Variants in NNT observed in about 807,000 individuals in gnomAD.
NNT encodes nicotinamide nucleotide transhydrogenase.
In NNT, 50 loss-of-function variants were observed where a neutral mutation model predicts 104.8. The ratio of observed to expected loss-of-function variants is 0.48; its 90% CI spans 0.38 to 0.60. The LOEUF (loss-of-function observed/expected upper bound fraction) is 0.60, where lower values mean the gene tolerates loss of function less well. NNT is among the 20% of genes least tolerant of loss of function. The probability of loss-of-function intolerance (pLI) is 0.00; values close to 1 mark genes in which losing one functional copy is unlikely to be tolerated. For synonymous variants in NNT, 461 were observed against 490.4 expected (o/e 0.94, Z 0.79); for missense variants, 1,131 against 1,330.7 (o/e 0.85, Z 2.33).
intron 9 of NNT, among the ~76,000 whole-genome samples, chr5:43,645,072 T>G (rs1161366739): frequency 6.6e-6 from 1 of 152,160 alleles, no homozygotes; most frequent in East Asian, 1.9e-4. Flanking sequence ...AAATTAAACA[T>G]TCCCCCCACT....
chr5:43,652,030 C>G, intron 13 of NNT, 146 bp downstream of exon 13: 1 of 851,468 alleles, frequency 1.2e-6, no homozygotes. Flanking sequence ...ACATCTTGGT[C>G]AAACTGAGCA....
At position 43,647,993 on chromosome 5, in the gene NNT, C is replaced by T. The variant is rs150064629; in HGVS notation, c.1445-1154C>T. The T allele has an allele frequency of 1.5e-4, 109 of 723,730 alleles. No individual in the cohort carries two copies. In the African/African-American group the frequency reaches 1.9e-3, roughly 13 times the overall value. 44.8% of individuals were successfully genotyped at this position (723,730 alleles called of 1,614,324 possible). A position where few individuals can be genotyped will look rare whatever the true frequency, so the allele number is the denominator to read the frequency against. On this transcript the variant is annotated intron_variant, in intron 10 of 21. Coordinates refer to ENST00000344920, the MANE Select transcript of NNT (RefSeq NM_182977.3). ...AGCACAGAGAGGTTAAGTAACTTGC[C>T]TGAGATGACACAGCTAGGGAGCAGC...
chr5:43,666,930 G>T, intron 17 of NNT: 2 of 1,582,782 alleles, frequency 1.3e-6, no homozygotes, highest in Admixed American at 1.7e-5. Flanking sequence ...CAAGCTTGGG[G>T]TGGGCAATGT....
intron 17 of NNT, among the ~76,000 whole-genome samples, chr5:43,669,341 G>T (rs1249696555): frequency 6.6e-6 from 1 of 152,074 alleles, no homozygotes; most frequent in African/African-American, 2.4e-5. Flanking sequence ...GTGAGAGAGG[G>T]CATCCCTGTC....
intron 16 of NNT, 71 bp from the exon 17 acceptor site, chr5:43,659,100 C>G (rs2111962934): frequency 7.1e-7 from 1 of 1,409,708 alleles, no homozygotes; most frequent in Middle Eastern, 2.4e-4. Context: ...AATTAAGGAG[C>G]AAAATGTTAA....
chr5:43,678,630 T>C (rs1034093309), intron 19 of NNT, among the ~76,000 whole-genome samples: 1 of 152,160 alleles, frequency 6.6e-6, no homozygotes, highest in Non-Finnish European at 1.5e-5. Flanking sequence ...AAACAAAAGG[T>C]CTTAAAAGAG....
At chr5:43,667,885 A>G (rs1023681673) in intron 17 of NNT, among the ~76,000 whole-genome samples, 5 of 152,332 alleles carry the variant, frequency 3.3e-5, no homozygotes, top group African/African-American at 1.2e-4. Context: ...AGTCCCACCA[A>G]CAGTGCAAAA....
chr5:43,620,018 T>G (rs1019912041), intron 5 of NNT, among the ~76,000 whole-genome samples: 35 of 152,042 alleles, frequency 2.3e-4, no homozygotes, highest in African/African-American at 8.5e-4. Flanking sequence ...AGGGAGGGCA[T>G]TAATCTGTTC....
intron 21 of NNT, among the ~76,000 whole-genome samples, chr5:43,703,051 T>C (rs542715924): frequency 6.6e-6 from 1 of 152,298 alleles, no homozygotes; most frequent in African/African-American, 2.4e-5. Flanking sequence ...TCGAGTCCTG[T>C]GAAGCAGATG....
chr5:43,643,658 C>T (rs191554124), intron 7 of NNT, among the ~76,000 whole-genome samples: 13 of 152,218 alleles, frequency 8.5e-5, no homozygotes, highest in Admixed American at 8.5e-4. Context: ...TCCTGTCTCT[C>T]CTCAAAGTTT....
intron 17 of NNT, among the ~76,000 whole-genome samples, chr5:43,671,850 G>C (rs564243335): frequency 6.6e-6 from 1 of 152,290 alleles, no homozygotes; most frequent in South Asian, 2.1e-4. Context: ...GGTTGGGGAA[G>C]TTCTCCCGGA....
chr5:43,678,524 C>T (rs1309705795), intron 19 of NNT, among the ~76,000 whole-genome samples: 2 of 152,012 alleles, frequency 1.3e-5, no homozygotes, highest in Non-Finnish European at 2.9e-5. Context: ...AATCGGATGT[C>T]TTGTTTCTCT....
chr5:43,625,866 A>AT (rs575139256), intron 6 of NNT, among the ~76,000 whole-genome samples: 9 of 151,620 alleles, frequency 5.9e-5, no homozygotes, highest in African/African-American at 9.7e-5. Flanking sequence ...CTGCCTAGAG[A>AT]TTTTTTTTAT....
At chr5:43,630,490 T>C (rs1750618056) in intron 7 of NNT, among the ~76,000 whole-genome samples, 1 of 152,246 alleles carries the variant, frequency 6.6e-6, no homozygotes, top group Admixed American at 6.5e-5. Context: ...TTTCAGTGTA[T>C]ATTTTTACTT....
At chr5:43,689,301 A>G (rs972467360) in intron 19 of NNT, among the ~76,000 whole-genome samples, 2 of 152,182 alleles carry the variant, frequency 1.3e-5, no homozygotes, top group Admixed American at 6.5e-5. Context: ...TGTCAGATGT[A>G]TAGATTTTGA....
At position 43,617,167 on chromosome 5, in the gene NNT, A is replaced by G. The variant is rs112305680; in HGVS notation, c.599+1102A>G. Among the ~76,000 whole-genome samples, 742 of 152,360 alleles carry G rather than the reference A, an allele frequency of 4.9e-3. 6 individuals carry two copies. Among genetic ancestry groups the G allele is most frequent in the African/African-American group, 0.016 (663 of 41,592 alleles). On this transcript the variant is annotated intron_variant, in intron 4 of 21. Transcript: ENST00000344920. ...ACTTAAAATTTTATCTAGAAAATGT[A>G]TAATGTAAAGTTTTAAGGGTGCTGT...
At chr5:43,645,645 ATCTATCTATCTC>A (rs1476961108) in intron 10 of NNT, 135 bp downstream of exon 10, 10 of 154,908 alleles carry the variant, frequency 6.5e-5, no homozygotes, top group African/African-American at 3.2e-4. Context: ...CTACACATCT[ATCTATCTATCTC>A]TCTCTCTCTC....
At chr5:43,671,784 GTAT>G (rs1741108531) in intron 17 of NNT, among the ~76,000 whole-genome samples, 2 of 152,136 alleles carry the variant, frequency 1.3e-5, no homozygotes, top group Admixed American at 1.3e-4. Context: ...TTCTTGAGGA[GTAT>G]CTCTGTGGTA....
chr5:43,669,588 G>T (rs1369239353), intron 17 of NNT, among the ~76,000 whole-genome samples: 1 of 152,074 alleles, frequency 6.6e-6, no homozygotes, highest in Non-Finnish European at 1.5e-5. Flanking sequence ...TACGTTTATT[G>T]ATTTGTGTAT....
Sources: allele counts gnomAD v4.1 joint callset (sites outside exome capture counted in the v4.1 genomes callset), GRCh38; gene constraint gnomAD v4.1.1; transcripts MANE v1.5; gene names NCBI Gene and HGNC (gene_info 2026-07-23, HGNC 2026-07-21).